The following LRMDA variants were observed in gnomAD, a reference collection of about 807,000 sequenced individuals.
LRMDA encodes leucine rich melanocyte differentiation associated.
LRMDA carries 18 observed loss-of-function variants against 29.8 expected under a neutral mutation model. The ratio of observed to expected loss-of-function variants is 0.60; its 90% CI spans 0.42 to 0.90. LRMDA has a LOEUF of 0.90. Among genes scored for constraint, LRMDA ranks in the 40% least tolerant of loss-of-function variants. The pLI, the probability that LRMDA is intolerant of heterozygous loss-of-function variation, is 0.00. For missense variants in LRMDA, 273 were observed against 273.9 expected (o/e 1.00, Z 0.02); for synonymous variants, 125 against 109.4 (o/e 1.14, Z -0.89).
chr10:76,186,697 C>A (rs79477868), intron 5 of LRMDA, among the ~76,000 whole-genome samples: 1,905 of 152,246 alleles, frequency 0.013, 38 homozygotes, highest in African/African-American at 0.043. Context: ...TGGGTAGTTA[C>A]TGTGTGCTAG....
At position 76,326,411 on chromosome 10, in the gene LRMDA, A is replaced by G. The variant is rs917654960; in HGVS notation, c.601+1926A>G. Reference sequence around the variant, plus strand: ...TTATTTCAAGTTTCTGATCATGTACATCACGAAAACATTTGAATGTCATTT... The same window carrying G: ...TTATTTCAAGTTTCTGATCATGTACGTCACGAAAACATTTGAATGTCATTT... On this transcript the variant is annotated intron_variant, in intron 6 of 6. Transcript: ENST00000611255. Among the ~76,000 whole-genome samples, 4 of 152,334 alleles carry G rather than the reference A, an allele frequency of 2.6e-5. No individual in the cohort carries two copies. The South Asian group carries it at 8.3e-4, about 32-fold the overall frequency.
chr10:75,699,341 C>T (rs1842277698), intron 2 of LRMDA, among the ~76,000 whole-genome samples: 1 of 152,028 alleles, frequency 6.6e-6, no homozygotes, highest in East Asian at 1.9e-4. Context: ...ATGGAGAGAA[C>T]ATTTTGAAAA....
intron 5 of LRMDA, among the ~76,000 whole-genome samples, chr10:76,119,328 G>A (rs920608058): frequency 6.6e-6 from 1 of 152,118 alleles, no homozygotes; most frequent in Non-Finnish European, 1.5e-5. Context: ...GATTGCTTCT[G>A]CTGCTGAGGC....
At chr10:75,525,156 C>G (rs551602630) in intron 2 of LRMDA, among the ~76,000 whole-genome samples, 1 of 152,340 alleles carries the variant, frequency 6.6e-6, no homozygotes, top group African/African-American at 2.4e-5. Flanking sequence ...GTTGGCTATA[C>G]AGCATCCTCA....
intron 5 of LRMDA, among the ~76,000 whole-genome samples, chr10:76,277,842 T>C (rs796455462): frequency 2.6e-4 from 39 of 152,314 alleles, no homozygotes; most frequent in African/African-American, 9.4e-4. Flanking sequence ...ATGTGATCTT[T>C]ATTGGAATAG....
intron 2 of LRMDA, among the ~76,000 whole-genome samples, chr10:75,942,703 T>G (rs1846412279): frequency 6.6e-6 from 1 of 152,184 alleles, no homozygotes; most frequent in Admixed American, 6.5e-5. Context: ...TCAATTAATG[T>G]GCTGATGAGG....
At chr10:75,764,563 G>A (rs372809081) in intron 2 of LRMDA, among the ~76,000 whole-genome samples, 340 of 152,290 alleles carry the variant, frequency 2.2e-3, no homozygotes, top group Non-Finnish European at 3.9e-3. Flanking sequence ...TGGCAGGTGG[G>A]TTTGCATTTT....
At chr10:75,573,028 G>T (rs961446027) in intron 2 of LRMDA, among the ~76,000 whole-genome samples, 1 of 152,146 alleles carries the variant, frequency 6.6e-6, no homozygotes, top group African/African-American at 2.4e-5. Context: ...TGAGTAAATG[G>T]ACTTCTAGCT....
intron 5 of LRMDA, among the ~76,000 whole-genome samples, chr10:76,275,291 AT>A (rs1253050793): frequency 1.3e-5 from 2 of 151,304 alleles, no homozygotes; most frequent in Non-Finnish European, 2.9e-5. Flanking sequence ...TTGTCTAGAG[AT>A]TTTTTTCCCC....
At chr10:75,911,009 GC>G (rs1554833665) in intron 2 of LRMDA, among the ~76,000 whole-genome samples, 1 of 150,052 alleles carries the variant, frequency 6.7e-6, no homozygotes, top group Non-Finnish European at 1.5e-5. Context: ...CTATTAAACA[GC>G]ATTTTTTTTT....
At chr10:75,817,657 T>C (rs775159308) in intron 2 of LRMDA, among the ~76,000 whole-genome samples, 3 of 152,186 alleles carry the variant, frequency 2.0e-5, no homozygotes, top group Non-Finnish European at 2.9e-5. Context: ...GGATGTGGTA[T>C]GTATAAAAGA....
intron 2 of LRMDA, among the ~76,000 whole-genome samples, chr10:75,968,523 C>T (rs1267521231): frequency 6.6e-6 from 1 of 152,164 alleles, no homozygotes; most frequent in Non-Finnish European, 1.5e-5. Context: ...TGTGGCCTTG[C>T]ATGCTCAAGT....
intron 6 of LRMDA, among the ~76,000 whole-genome samples, chr10:76,350,242 T>A (rs1841159181): frequency 6.6e-6 from 1 of 152,098 alleles, no homozygotes; most frequent in Non-Finnish European, 1.5e-5. Flanking sequence ...AGCTTGGTAA[T>A]GGGTAGACAG....
chr10:76,527,767 A>G (rs1190154817), intron 6 of LRMDA, among the ~76,000 whole-genome samples: 1 of 152,166 alleles, frequency 6.6e-6, no homozygotes, highest in Admixed American at 6.5e-5. Context: ...CTAAAACTCC[A>G]TGGGATATAA....
intron 2 of LRMDA, among the ~76,000 whole-genome samples, chr10:75,548,483 C>A (rs117207359): frequency 3.2e-3 from 488 of 152,200 alleles, no homozygotes; most frequent in Non-Finnish European, 5.4e-3. Context: ...GCCTAGGCCT[C>A]CTTCCTCGCT....
chr10:75,599,010 A>C (rs990887220), intron 2 of LRMDA, among the ~76,000 whole-genome samples: 1 of 152,076 alleles, frequency 6.6e-6, no homozygotes. Context: ...AGGTGGGGGC[A>C]GGGGCAAGGG....
intron 1 of LRMDA, among the ~76,000 whole-genome samples, chr10:75,436,249 A>G (rs1195486470): frequency 6.6e-6 from 1 of 152,150 alleles, no homozygotes; most frequent in African/African-American, 2.4e-5. Flanking sequence ...AGAAGTTTTG[A>G]CAAACTGGGT....
At chr10:75,482,146 T>TA (rs1381269037) in intron 2 of LRMDA, among the ~76,000 whole-genome samples, 1 of 152,174 alleles carries the variant, frequency 6.6e-6, no homozygotes, top group Non-Finnish European at 1.5e-5. Flanking sequence ...CCACTGATGT[T>TA]AGGCATGGTC....
intron 6 of LRMDA, among the ~76,000 whole-genome samples, chr10:76,463,445 C>G (rs1329995322): frequency 6.6e-6 from 1 of 152,074 alleles, no homozygotes; most frequent in Non-Finnish European, 1.5e-5. Flanking sequence ...CACTGGCTGC[C>G]CAAAGTGAAG....
Sources: allele counts gnomAD v4.1 joint callset (sites outside exome capture counted in the v4.1 genomes callset), GRCh38; gene constraint gnomAD v4.1.1; transcripts MANE v1.5; gene names NCBI Gene and HGNC (gene_info 2026-07-23, HGNC 2026-07-21).